The following TXLNB variants were observed in gnomAD, a reference collection of about 807,000 sequenced individuals.
TXLNB encodes the protein beta-taxilin.
TXLNB carries 37 observed loss-of-function variants against 57.4 expected under a neutral mutation model. That is an observed-to-expected ratio of 0.64 (90% CI 0.50 to 0.85). TXLNB has a LOEUF of 0.85. Ranked by LOEUF, TXLNB falls within the 40% of genes least tolerant of loss-of-function variation. The pLI is 0.00. For missense variants in TXLNB, 848 were observed against 825.6 expected (o/e 1.03, Z -0.33); for synonymous variants, 302 against 309.6 (o/e 0.98, Z 0.26).
chr6:139,174,618 G>A, the TXLNB span: 1 of 1,538,838 alleles, frequency 6.5e-7, no homozygotes, highest in Non-Finnish European at 8.8e-7. Context: ...AGATGCGTCT[G>A]GCAATAAAGA....
At chr6:139,165,739 C>T in the TXLNB span, among the ~76,000 whole-genome samples, 6 of 152,138 alleles carry the variant, frequency 3.9e-5, no homozygotes, top group South Asian at 2.1e-4. Flanking sequence ...ATTGGGTTAG[C>T]GGATTCTACT....
At chr6:139,190,902 T>G in the TXLNB span, among the ~76,000 whole-genome samples, 1 of 152,116 alleles carries the variant, frequency 6.6e-6, no homozygotes, top group Non-Finnish European at 1.5e-5. Flanking sequence ...ATAGCAGTGC[T>G]CCTGTGTGGG....
the TXLNB span, chr6:139,174,354 C>A: frequency 8.9e-6 from 14 of 1,568,930 alleles, no homozygotes; most frequent in East Asian, 3.2e-4. Context: ...TCCATGATGG[C>A]CACTCAGAGC....
chr6:139,211,582 T>C, the TXLNB span, among the ~76,000 whole-genome samples: 157 of 152,196 alleles, frequency 1.0e-3, 1 homozygote, highest in Non-Finnish European at 1.5e-3. Context: ...CCTCTCCTCC[T>C]CCAAAGGAAC....
At chr6:139,175,135 T>A in the TXLNB span, among the ~76,000 whole-genome samples, 1 of 152,122 alleles carries the variant, frequency 6.6e-6, no homozygotes, top group Non-Finnish European at 1.5e-5. Flanking sequence ...GAAATTTAGC[T>A]GTCATCAGAA....
chr6:139,299,731 TC>T, the TXLNB span, among the ~76,000 whole-genome samples: 1 of 152,086 alleles, frequency 6.6e-6, no homozygotes, highest in Admixed American at 6.5e-5. Flanking sequence ...AACATAGTGT[TC>T]CTAGACTCAA....
the TXLNB span, among the ~76,000 whole-genome samples, chr6:139,206,946 A>AT: frequency 6.6e-6 from 1 of 152,210 alleles, no homozygotes; most frequent in East Asian, 1.9e-4. Flanking sequence ...AAGATATTAC[A>AT]TATGCACCTA....
At chr6:139,177,057 C>T in the TXLNB span, 1 of 866,154 alleles carries the variant, frequency 1.2e-6, no homozygotes, top group South Asian at 1.3e-5. The surrounding 1 kb of genome is among the most constrained non-coding windows in gnomAD (Gnocchi z 4.9). Flanking sequence ...ACCTGGACTA[C>T]CACTTCGTGA....
At position 139,288,632 on chromosome 6, in the gene TXLNB, C is replaced by T; in HGVS notation, c.268G>A (p.Glu90Lys). Residue 90 changes from glutamate to lysine, a missense_variant, in exon 2 of 10, where the codon GAG (glutamate) becomes AAG (lysine). By Grantham distance (56) the Glu-to-Lys change is moderately conservative (BLOSUM62 1). Coordinates refer to ENST00000358430, the MANE Select transcript of TXLNB (RefSeq NM_153235.4). ...EGSARASEQP[E>K]NAESPDNEDG... is the part of the protein sequence containing the mutation. Reference sequence around the variant, plus strand: ...TCGTTGTCAGGTGATTCTGCATTCTCAGGCTGCTCACTGGCCCTGGCAGAG... The same window carrying T: ...TCGTTGTCAGGTGATTCTGCATTCTTAGGCTGCTCACTGGCCCTGGCAGAG... 3 of 1,614,210 alleles carry T rather than the reference C, an allele frequency of 1.9e-6. No individual in the cohort carries two copies. The highest frequency in any genetic ancestry group is 2.5e-6 in the Non-Finnish European group (3 of 1,180,042).
intron 2 of TXLNB, among the ~76,000 whole-genome samples, chr6:139,288,250 G>C (rs1412843274): frequency 6.6e-6 from 1 of 152,178 alleles, no homozygotes; most frequent in Non-Finnish European, 1.5e-5. Flanking sequence ...TTCATCCTAA[G>C]AGCAGTAGGA....
At chr6:139,220,202 A>G in the TXLNB span, among the ~76,000 whole-genome samples, 1 of 152,220 alleles carries the variant, frequency 6.6e-6, no homozygotes, top group Non-Finnish European at 1.5e-5. Context: ...CTGTCTATGA[A>G]GAAGCAGATC....
chr6:139,252,916 C>T (rs4400233), intron 7 of TXLNB, among the ~76,000 whole-genome samples: 55,963 of 152,032 alleles, frequency 0.37, 12,588 homozygotes, highest in African/African-American at 0.64. Context: ...GCGTGAACCC[C>T]GGGAGGTGGA....
the TXLNB span, among the ~76,000 whole-genome samples, chr6:139,229,356 CTT>C: frequency 6.6e-6 from 1 of 152,092 alleles, no homozygotes; most frequent in African/African-American, 2.4e-5. Context: ...GAGTTTCTCT[CTT>C]GTTGCCCAGG....
intron 2 of TXLNB, among the ~76,000 whole-genome samples, chr6:139,277,473 A>G (rs1776929443): frequency 6.6e-6 from 1 of 151,984 alleles, no homozygotes; most frequent in South Asian, 2.1e-4. Flanking sequence ...GGGGGAACCA[A>G]GTTTCTCTTT....
the TXLNB span, among the ~76,000 whole-genome samples, chr6:139,215,147 C>CA: frequency 0.17 from 25,858 of 151,376 alleles, 2,272 homozygotes; most frequent in East Asian, 0.27. Context: ...CATATGGAAC[C>CA]AAAAAAAAGC....
rs551966753 is a variant in TXLNB, at chr6:139,286,620, G to A, written c.424+1856C>T. On this transcript the variant is annotated intron_variant, in intron 2 of 9. Coordinates refer to ENST00000358430, the MANE Select transcript of TXLNB (RefSeq NM_153235.4). Reference sequence around the variant, plus strand: ...TGTTAGGAACTGGGCTGCACGGCAGGAGATGAGTGGCAGGCGACAGAGCAA... The same window carrying A: ...TGTTAGGAACTGGGCTGCACGGCAGAAGATGAGTGGCAGGCGACAGAGCAA... Among the ~76,000 whole-genome samples, 134 of 152,274 alleles carry A rather than the reference G, an allele frequency of 8.8e-4. 4 individuals are homozygous for A. The Middle Eastern group carries it at 0.044, about 50-fold the overall frequency.
the TXLNB span, among the ~76,000 whole-genome samples, chr6:139,172,133 A>G: frequency 1.3e-5 from 2 of 152,024 alleles, no homozygotes; most frequent in Non-Finnish European, 2.9e-5. Context: ...GCCCAGCCCT[A>G]AACTTTTTTA....
chr6:139,166,829 C>G, the TXLNB span: 1 of 1,613,790 alleles, frequency 6.2e-7, no homozygotes, highest in Non-Finnish European at 8.5e-7. Context: ...GGGCCAGTCC[C>G]CACCCACGGG....
chr6:139,192,615 A>G, the TXLNB span, among the ~76,000 whole-genome samples: 1 of 152,176 alleles, frequency 6.6e-6, no homozygotes, highest in African/African-American at 2.4e-5. Context: ...ATGATCACAA[A>G]GAGGAGGATT....
Sources: allele counts gnomAD v4.1 joint callset (sites outside exome capture counted in the v4.1 genomes callset), GRCh38; gene constraint gnomAD v4.1.1; non-coding constraint Gnocchi (gnomAD v3.1); transcripts MANE v1.5; gene names NCBI Gene and HGNC (gene_info 2026-07-23, HGNC 2026-07-21).